SYN3: variants seen among roughly 807,000 people sequenced by gnomAD.
SYN3 encodes synapsin-3.
In SYN3, 35 loss-of-function variants were observed where a neutral mutation model predicts 65.8. The ratio of observed to expected loss-of-function variants is 0.53; its 90% confidence interval spans 0.41 to 0.70. The LOEUF is 0.70. SYN3 is among the 30% of genes least tolerant of loss of function. The pLI is 0.00. For missense variants in SYN3, 680 were observed against 749.0 expected, an observed-to-expected ratio of 0.91 and a Z score of 1.08; for synonymous variants, 270 against 292.9, an observed-to-expected ratio of 0.92 and a Z score of 0.80.
rs371082652 is a variant in SYN3, at chr22:32,980,687, A to G, written c.327T>C (p.His109=). The change falls in exon 3 of 14, where the codon CAT becomes CAC. Residue 109 remains histidine, a synonymous_variant. Transcript: ENST00000358763. ...CAATCTCTCCATTCACCTTCTTCCC[A>G]TGGAAATACTTCGACCTGTAAAGGG... ...DAHTDWSKYF[H]GKKVNGEIEI... is the part of the protein sequence containing the mutation. 98 of 1,613,780 alleles carry G rather than the reference A, an allele frequency of 6.1e-5. No homozygotes were observed. Among genetic ancestry groups the G allele is most frequent in the Non-Finnish European group, 8.0e-5 (94 of 1,179,906 alleles).
At chr22:32,826,553 G>T (rs2047419304) in intron 6 of SYN3, among the ~76,000 whole-genome samples, 1 of 152,202 alleles carries the variant, frequency 6.6e-6, no homozygotes, top group Non-Finnish European at 1.5e-5. Flanking sequence ...GGAAATTTCA[G>T]TATCTGCATT....
intron 6 of SYN3, among the ~76,000 whole-genome samples, chr22:32,690,651 G>A (rs921712220): frequency 6.6e-6 from 1 of 152,184 alleles, no homozygotes; most frequent in Non-Finnish European, 1.5e-5. Context: ...ATCAGGAGGT[G>A]GTAGTGGTGG....
chr22:32,697,014 C>T (rs2147182439), intron 6 of SYN3, among the ~76,000 whole-genome samples: 1 of 152,310 alleles, frequency 6.6e-6, no homozygotes, highest in Non-Finnish European at 1.5e-5. Flanking sequence ...CTCTCTCTGT[C>T]CACAGAACCA....
intron 4 of SYN3, among the ~76,000 whole-genome samples, chr22:32,917,442 C>A (rs1325260747): frequency 2.0e-5 from 3 of 152,022 alleles, no homozygotes; most frequent in Non-Finnish European, 1.5e-5. Context: ...TACTGGGTAC[C>A]CAACAGCCTT....
intron 9 of SYN3, among the ~76,000 whole-genome samples, chr22:32,535,918 C>G (rs1237833244): frequency 6.6e-6 from 1 of 152,226 alleles, no homozygotes; most frequent in East Asian, 1.9e-4. Context: ...GTGTATGAGT[C>G]CCTGTATGGA....
chr22:32,881,044 G>C (rs1339233625), intron 4 of SYN3, among the ~76,000 whole-genome samples: 1 of 152,232 alleles, frequency 6.6e-6, no homozygotes, highest in African/African-American at 2.4e-5. Context: ...CTCTCCGACA[G>C]CTGCCTGAGC....
chr22:32,996,120 C>A (rs971474293), intron 2 of SYN3, among the ~76,000 whole-genome samples: 2 of 152,142 alleles, frequency 1.3e-5, no homozygotes, highest in Non-Finnish European at 2.9e-5. Flanking sequence ...CCTGAATTTA[C>A]CCTTAATAAT....
At chr22:32,904,144 A>G (rs2049837853) in intron 4 of SYN3, among the ~76,000 whole-genome samples, 1 of 152,236 alleles carries the variant, frequency 6.6e-6, no homozygotes, top group Non-Finnish European at 1.5e-5. Flanking sequence ...TATGGCAGAG[A>G]TATTTGGCCA....
At chr22:32,585,930 A>G (rs1569064887) in intron 7 of SYN3, among the ~76,000 whole-genome samples, 1 of 54,578 alleles carries the variant, frequency 1.8e-5, no homozygotes, top group African/African-American at 7.3e-5. Context: ...ATGTGTATAT[A>G]CGTATATGTG....
At chr22:33,037,730 A>G (rs192495098) in intron 1 of SYN3, among the ~76,000 whole-genome samples, 15 of 152,184 alleles carry the variant, frequency 9.9e-5, no homozygotes, top group African/African-American at 2.9e-4. Context: ...GCTTTTAACT[A>G]CCACTCCTGC....
intron 12 of SYN3, among the ~76,000 whole-genome samples, chr22:32,526,815 G>A (rs575399005): frequency 2.0e-5 from 3 of 152,106 alleles, no homozygotes; most frequent in East Asian, 3.9e-4. Context: ...TACCGCGCCC[G>A]GCCTCTGATA....
At chr22:32,776,875 A>C (rs947613645) in intron 6 of SYN3, among the ~76,000 whole-genome samples, 1 of 152,202 alleles carries the variant, frequency 6.6e-6, no homozygotes, top group Non-Finnish European at 1.5e-5. Context: ...AGGTGGGGAC[A>C]CCAGCAGCAG....
chr22:32,786,090 G>GTGCT (rs1424425363), intron 6 of SYN3, among the ~76,000 whole-genome samples: 6 of 152,176 alleles, frequency 3.9e-5, no homozygotes, highest in Non-Finnish European at 5.9e-5. Context: ...ATCCCAAGCA[G>GTGCT]TGCTTGGCCC....
intron 6 of SYN3, among the ~76,000 whole-genome samples, chr22:32,675,594 C>T (rs1447038657): frequency 2.0e-5 from 3 of 152,150 alleles, no homozygotes; most frequent in African/African-American, 7.2e-5. Context: ...CACGTTTCTT[C>T]TCTTTCACCC....
At chr22:32,715,810 A>G (rs950916450) in intron 6 of SYN3, among the ~76,000 whole-genome samples, 3 of 151,512 alleles carry the variant, frequency 2.0e-5, no homozygotes, top group African/African-American at 4.9e-5. Context: ...AAGTGAAAGC[A>G]TAGTCTGCAC....
chr22:32,708,950 C>T (rs1330701731), intron 6 of SYN3, among the ~76,000 whole-genome samples: 3 of 152,134 alleles, frequency 2.0e-5, no homozygotes, highest in Admixed American at 6.5e-5. Flanking sequence ...GGGCTGTGCA[C>T]GGGCCTGGCA....
chr22:32,964,240 T>C (rs1378846478), intron 3 of SYN3, among the ~76,000 whole-genome samples: 3 of 124,970 alleles, frequency 2.4e-5, no homozygotes, highest in African/African-American at 9.4e-5. Flanking sequence ...TGAGAACACA[T>C]GGACACAGGA....
At chr22:32,706,247 A>G (rs1364119448) in intron 6 of SYN3, among the ~76,000 whole-genome samples, 3 of 152,120 alleles carry the variant, frequency 2.0e-5, no homozygotes, top group East Asian at 1.9e-4. Flanking sequence ...CAATACCTAC[A>G]TACTGAGGAA....
chr22:32,757,133 T>C (rs1262918238), intron 6 of SYN3, among the ~76,000 whole-genome samples: 1 of 151,854 alleles, frequency 6.6e-6, no homozygotes, highest in Non-Finnish European at 1.5e-5. Flanking sequence ...AGTGATCCAC[T>C]AGCATGATTT....
Sources: allele counts gnomAD v4.1 joint callset (sites outside exome capture counted in the v4.1 genomes callset), GRCh38; gene constraint gnomAD v4.1.1; transcripts MANE v1.5; gene names NCBI Gene and HGNC (gene_info 2026-07-23, HGNC 2026-07-21).